The following TP73 variants were observed in gnomAD, a reference collection of about 807,000 sequenced individuals.
TP73 encodes p53-like transcription factor.
A neutral mutation model predicts 62.5 loss-of-function variants in TP73; 25 were observed. The observed-to-expected ratio is 0.40, with a 90% CI of 0.29 to 0.56. The LOEUF (loss-of-function observed/expected upper bound fraction) is 0.56, where lower values mean the gene tolerates loss of function less well. Among genes scored for constraint, TP73 ranks in the 20% least tolerant of loss-of-function variants. The pLI is 0.46. For missense variants in TP73, 754 were observed against 913.3 expected, an observed-to-expected ratio of 0.83 and a Z score of 2.25; for synonymous variants, 423 against 377.5, an observed-to-expected ratio of 1.12 and a Z score of -1.40.
rs532140516 is a variant in TP73, at chr1:3,670,737, G to A, written c.-33-11596G>A. Among the ~76,000 whole-genome samples, 1 of 152,140 alleles carries A rather than the reference G, an allele frequency of 6.6e-6. No individual in the cohort carries two copies. Among genetic ancestry groups the A allele is most frequent in the South Asian group, 2.1e-4 (1 of 4,826 alleles). On this transcript the variant is annotated intron_variant, in intron 1 of 13. Coordinates refer to ENST00000378295, the MANE Select transcript of TP73 (RefSeq NM_005427.4). This position sits in a 1 kb window ranked among gnomAD's most constrained non-coding sequence, Gnocchi z 5.9. Reference sequence around the variant, plus strand: ...AGTGAGGAGAAATGAGGAGGAAGTCGAGCAATTTAACCCCAAATGGTGCTT... The same window carrying A: ...AGTGAGGAGAAATGAGGAGGAAGTCAAGCAATTTAACCCCAAATGGTGCTT...
At chr1:3,698,557 C>T (rs557927411) in intron 3 of TP73, among the ~76,000 whole-genome samples, 143 of 152,202 alleles carry the variant, frequency 9.4e-4, no homozygotes, top group Non-Finnish European at 1.5e-3. Context: ...GGGCTTTGAG[C>T]GGGATCCGGG....
At chr1:3,679,078 T>C (rs1398547358) in intron 1 of TP73, among the ~76,000 whole-genome samples, 1 of 152,142 alleles carries the variant, frequency 6.6e-6, no homozygotes, top group Non-Finnish European at 1.5e-5. Context: ...GAGGCCAAGC[T>C]GGTGTCCTGC....
chr1:3,702,061 C>A (rs1184688363), intron 3 of TP73, among the ~76,000 whole-genome samples: 10 of 152,220 alleles, frequency 6.6e-5, no homozygotes, highest in African/African-American at 2.4e-4. Context: ...CTGGGATGGG[C>A]AGCCCTGGCC....
rs150700662 is a variant in TP73, at chr1:3,677,779, G to A, written c.-33-4554G>A. On this transcript the variant is annotated intron_variant, in intron 1 of 13. Transcript: ENST00000378295. The stretch of plus-strand genomic sequence containing the variant: ...TGCAATCATGGCTCACTGCAGCCTC[G>A]AGCCCCTGGGCTCAAGTGATTCTCC... Among the ~76,000 whole-genome samples, 637 of 147,748 alleles carry A rather than the reference G, an allele frequency of 4.3e-3. 7 individuals carry two copies. The highest frequency in any genetic ancestry group is 0.015 in the African/African-American group (601 of 39,856).
chr1:3,680,087 TTCTCTCTG>T (rs1286542284), intron 1 of TP73, among the ~76,000 whole-genome samples: 1 of 151,388 alleles, frequency 6.6e-6, no homozygotes, highest in Non-Finnish European at 1.5e-5. Context: ...TTGTCCTTGT[TTCTCTCTG>T]TCTCTCTGTC....
At chr1:3,700,078 C>T (rs948927812) in intron 3 of TP73, among the ~76,000 whole-genome samples, 4 of 152,056 alleles carry the variant, frequency 2.6e-5, no homozygotes, top group East Asian at 1.9e-4. Flanking sequence ...GCAGGAGCTC[C>T]GTCTTTCGAG....
At chr1:3,659,436 T>C (rs187242502) in intron 1 of TP73, 18 of 152,246 alleles carry the variant, frequency 1.2e-4, no homozygotes, top group African/African-American at 4.1e-4. Flanking sequence ...TTGTTCTTCG[T>C]GATTCCAATA....
At chr1:3,708,411 C>T (rs1201020039) in intron 4 of TP73, 1 of 155,958 alleles carries the variant, frequency 6.4e-6, no homozygotes, top group Non-Finnish European at 1.4e-5. Context: ...CACCTGTGCA[C>T]AAGGCCAGTC....
chr1:3,717,193 C>T (rs551548593), intron 4 of TP73, among the ~76,000 whole-genome samples: 4 of 152,300 alleles, frequency 2.6e-5, no homozygotes, highest in East Asian at 3.9e-4. Context: ...ACCCAGCTGC[C>T]GGGGAGCGAG....
intron 3 of TP73, among the ~76,000 whole-genome samples, chr1:3,706,967 G>A (rs1287347242): frequency 6.6e-6 from 1 of 151,970 alleles, no homozygotes; most frequent in Admixed American, 6.6e-5. Context: ...GCCCAACTGG[G>A]AAAATTGGGC....
chr1:3,682,946 G>T (rs1645559141), intron 2 of TP73, 114 bp from the exon 3 acceptor site: 3 of 1,391,396 alleles, frequency 2.2e-6, no homozygotes, highest in Admixed American at 4.3e-5. Context: ...GGAAGGGCAG[G>T]AGACGTAGGC....
intron 4 of TP73, among the ~76,000 whole-genome samples, chr1:3,716,194 C>T (rs1437427128): frequency 6.6e-6 from 1 of 152,226 alleles, no homozygotes; most frequent in Non-Finnish European, 1.5e-5. Flanking sequence ...ATGTTTCTGC[C>T]TCTGGTTCAT....
intron 6 of TP73, among the ~76,000 whole-genome samples, chr1:3,723,691 C>T (rs934495055): frequency 3.9e-5 from 6 of 152,242 alleles, no homozygotes; most frequent in African/African-American, 1.2e-4. Flanking sequence ...GTCCCCACAT[C>T]CGCCTCGGGC....
chr1:3,682,950 C>T (rs57596460), intron 2 of TP73, 110 bp from the exon 3 acceptor site: 105,827 of 1,419,500 alleles, frequency 0.075, 6,633 homozygotes, highest in African/African-American at 0.3. Flanking sequence ...GGGCAGGAGA[C>T]GTAGGCCTCA....
At chr1:3,702,017 A>G (rs1639212375) in intron 3 of TP73, among the ~76,000 whole-genome samples, 1 of 152,046 alleles carries the variant, frequency 6.6e-6, no homozygotes, top group East Asian at 1.9e-4. Flanking sequence ...ATGGTGGCGT[A>G]GGGGCATCAG....
rs908349017 is a variant in TP73, at chr1:3,697,244, C to A, written c.187-10305C>A. ...CACAATTGCTGCCTTTGCTGACGCC[C>A]GCCCTGTGTTCTCAACACCGGAGCC... is the stretch of plus-strand genomic sequence containing the variant. On this transcript the variant is annotated intron_variant, in intron 3 of 13. Transcript: ENST00000378295. Among the ~76,000 whole-genome samples the A allele has an allele frequency of 2.0e-5, 3 of 152,232 alleles. No homozygotes were observed. The East Asian group carries it at 5.8e-4, about 29-fold the overall frequency.
At chr1:3,690,243 C>T (rs1645776846) in intron 3 of TP73, among the ~76,000 whole-genome samples, 1 of 152,152 alleles carries the variant, frequency 6.6e-6, no homozygotes, top group African/African-American at 2.4e-5. Context: ...GGTCTAGGGT[C>T]GAACCTCCTG....
At chr1:3,665,637 CTT>C (rs1645093599) in intron 1 of TP73, among the ~76,000 whole-genome samples, 1 of 149,000 alleles carries the variant, frequency 6.7e-6, no homozygotes, top group African/African-American at 2.5e-5. Context: ...CCCCTAGGTC[CTT>C]TGGTTTGTCT....
At chr1:3,727,805 G>A (rs773255787) in intron 8 of TP73, 35 bp downstream of exon 8, 2 of 1,499,800 alleles carry the variant, frequency 1.3e-6, no homozygotes, top group Non-Finnish European at 1.8e-6. Context: ...GACGCGTGTG[G>A]GAGGAGAAGG....
Sources: allele counts gnomAD v4.1 joint callset (sites outside exome capture counted in the v4.1 genomes callset), GRCh38; gene constraint gnomAD v4.1.1; non-coding constraint Gnocchi (gnomAD v3.1); transcripts MANE v1.5; gene names NCBI Gene and HGNC (gene_info 2026-07-23, HGNC 2026-07-21).